WDR49: variants seen among roughly 807,000 people sequenced by gnomAD.
WDR49 encodes cilia- and flagella-associated protein 337.
Under a neutral mutation model 119.5 loss-of-function variants are expected in WDR49, and 107 were observed. The observed-to-expected ratio is 0.90, with a 90% CI of 0.77 to 1.05. The LOEUF is 1.05. Among genes scored for constraint, WDR49 ranks in the 50% least tolerant of loss-of-function variants. The pLI, the probability that WDR49 is intolerant of heterozygous loss-of-function variation, is 0.00. For missense variants in WDR49, 1,240 were observed against 1,220.5 expected (o/e 1.02, Z -0.24); for synonymous variants, 425 against 418.8 (o/e 1.01, Z -0.18).
At chr3:167,514,776 T>G (rs1433850439) in intron 16 of WDR49, among the ~76,000 whole-genome samples, 1 of 151,266 alleles carries the variant, frequency 6.6e-6, no homozygotes, top group Non-Finnish European at 1.5e-5. Context: ...AAGAATCAAA[T>G]AGACACAATA....
intron 8 of WDR49, among the ~76,000 whole-genome samples, chr3:167,564,229 T>G (rs1427586197): frequency 6.6e-6 from 1 of 152,232 alleles, no homozygotes; most frequent in Non-Finnish European, 1.5e-5. Flanking sequence ...TGATTTCATT[T>G]TATGGCAGTC....
chr3:167,557,154 C>T (rs184805459), intron 9 of WDR49, among the ~76,000 whole-genome samples: 2 of 152,082 alleles, frequency 1.3e-5, no homozygotes, highest in African/African-American at 4.8e-5. Flanking sequence ...ACAGGATCAT[C>T]CCACTGCACT....
At chr3:167,556,744 G>A (rs762176445) in intron 9 of WDR49, among the ~76,000 whole-genome samples, 3 of 151,990 alleles carry the variant, frequency 2.0e-5, no homozygotes, top group Non-Finnish European at 4.4e-5. Context: ...AAATTAGGCA[G>A]GGCCGGATTC....
chr3:167,525,050 T>C (rs1752585749), intron 15 of WDR49, among the ~76,000 whole-genome samples: 1 of 152,108 alleles, frequency 6.6e-6, no homozygotes, highest in Non-Finnish European at 1.5e-5. Flanking sequence ...ATGGAGTGTT[T>C]TTCCATTTGT....
chr3:167,582,663 TC>T (rs1241058899), intron 7 of WDR49, among the ~76,000 whole-genome samples: 1 of 152,124 alleles, frequency 6.6e-6, no homozygotes, highest in African/African-American at 2.4e-5. Flanking sequence ...ATTTCCCAGT[TC>T]TAATTTGCAA....
chr3:167,478,710 A>C lies in WDR49; in HGVS notation c.*168T>G, dbSNP rs1398741323. ...TTAGTTCAATATTTATTTTATTAAG[A>C]ATACAGAGAAATTGACAGATGATAG... On this transcript the variant is annotated 3_prime_UTR_variant, in exon 19 of 19. Transcript: ENST00000682715. 1 of 426,370 alleles carries C rather than the reference A, an allele frequency of 2.3e-6. No homozygotes were observed. Among genetic ancestry groups the C allele is most frequent in the Non-Finnish European group, 4.1e-6 (1 of 244,392 alleles). The allele number at this position is 426,370 out of a possible 1,614,324, so 26.4% of individuals were successfully genotyped here. A position where few individuals can be genotyped will look rare whatever the true frequency, so the allele number is the denominator to read the frequency against.
At chr3:167,522,808 A>G (rs1752501356) in intron 15 of WDR49, among the ~76,000 whole-genome samples, 1 of 152,210 alleles carries the variant, frequency 6.6e-6, no homozygotes, top group East Asian at 1.9e-4. Context: ...TACTAAAAAC[A>G]AAACAAAGCT....
chr3:167,653,540 G>C, intron 1 of WDR49, 41 bp from the exon 2 acceptor site: 5 of 1,304,946 alleles, frequency 3.8e-6, no homozygotes, highest in Non-Finnish European at 5.0e-6. Context: ...ATTCCAAAAT[G>C]AAAGTACAAA....
chr3:167,629,947 C>A (rs1371437962), intron 2 of WDR49, among the ~76,000 whole-genome samples: 1 of 152,104 alleles, frequency 6.6e-6, no homozygotes, highest in Admixed American at 6.6e-5. Context: ...GAGATGGAAT[C>A]TATTCCCGTT....
chr3:167,492,473 A>C (rs1560248050), intron 18 of WDR49, among the ~76,000 whole-genome samples: 1 of 152,154 alleles, frequency 6.6e-6, no homozygotes, highest in Non-Finnish European at 1.5e-5. Flanking sequence ...TATATAGAAA[A>C]TGTGGGGAAT....
chr3:167,568,997 C>T (rs956568744), intron 8 of WDR49, among the ~76,000 whole-genome samples: 15 of 151,102 alleles, frequency 9.9e-5, no homozygotes, highest in African/African-American at 2.9e-4. Context: ...GGTTGGAGTG[C>T]GGTGGTGCTA....
intron 8 of WDR49, among the ~76,000 whole-genome samples, chr3:167,574,432 A>G (rs1194088574): frequency 6.6e-6 from 1 of 152,226 alleles, no homozygotes; most frequent in East Asian, 1.9e-4. Context: ...TCTGTAACTC[A>G]GCAGCTAATA....
At chr3:167,489,787 C>A (rs1282950651) in intron 18 of WDR49, among the ~76,000 whole-genome samples, 1 of 152,094 alleles carries the variant, frequency 6.6e-6, no homozygotes, top group Non-Finnish European at 1.5e-5. Context: ...ATGTAATGTA[C>A]TATGCAATGA....
intron 18 of WDR49, among the ~76,000 whole-genome samples, chr3:167,489,320 C>A (rs1187189080): frequency 6.6e-6 from 1 of 152,072 alleles, no homozygotes; most frequent in African/African-American, 2.4e-5. Context: ...CCTTTGGAAT[C>A]CCTGCATTCC....
At chr3:167,535,483 GA>G (rs1752987992) in intron 11 of WDR49, among the ~76,000 whole-genome samples, 1 of 151,998 alleles carries the variant, frequency 6.6e-6, no homozygotes, top group Non-Finnish European at 1.5e-5. Flanking sequence ...ACAGACATAC[GA>G]AAAAATGTTC....
chr3:167,621,340 C>G (rs1292479450), intron 4 of WDR49, 127 bp downstream of exon 4: 3 of 964,412 alleles, frequency 3.1e-6, no homozygotes, highest in Non-Finnish European at 4.3e-6. Context: ...TCTTCCATGT[C>G]CAATGTGCAT....
At position 167,598,828 on chromosome 3, in the gene WDR49, C is replaced by T. The variant is rs1221301011; in HGVS notation, c.1275+3299G>A. Among the ~76,000 whole-genome samples, 3 of 152,328 alleles carry T rather than the reference C, an allele frequency of 2.0e-5. No homozygotes were observed. In the East Asian group the frequency reaches 5.8e-4, roughly 29 times the overall value. ...CCCCAAACCCAGTGATGCTGTAGTT[C>T]TTGCAGACTCATAAAGGTCCCAGTT... On this transcript the variant is annotated intron_variant, in intron 7 of 18. Coordinates refer to ENST00000682715, the MANE Select transcript of WDR49 (RefSeq NM_001366157.1).
Position 167,627,037 on chromosome 3 carries a change from C to G in WDR49, c.421G>C (p.Asp141His). The G allele has an allele frequency of 7.6e-7, 1 of 1,323,618 alleles. No homozygotes were observed. Among genetic ancestry groups the G allele is most frequent in the Non-Finnish European group, 9.6e-7 (1 of 1,038,338 alleles). The allele number at this position is 1,323,618 out of a possible 1,614,324, so 82.0% of individuals were successfully genotyped here. The change falls in exon 3 of 19, where the codon GAC (aspartate) becomes CAC (histidine). Residue 141 changes from aspartate to histidine, a missense_variant. Transcript: ENST00000682715. ...DLEFLPVKHK[D>H]TIQKVIFLKN... ...AAGAAAATTACTTTTTGAATGGTGT[C>G]CTTGTGTTTTACTGGGAGGAATTCA...
intron 13 of WDR49, among the ~76,000 whole-genome samples, chr3:167,529,804 T>A (rs550762139): frequency 1.2e-3 from 179 of 152,252 alleles, no homozygotes; most frequent in African/African-American, 3.9e-3. Flanking sequence ...TTTTGGTGAA[T>A]GAGCCTAGAA....
Sources: gnomAD v4.1 joint callset for allele counts (sites outside exome capture counted in the v4.1 genomes callset) on GRCh38, gnomAD v4.1.1 for gene constraint, MANE v1.5 for transcripts, NCBI Gene and HGNC (gene_info 2026-07-23, HGNC 2026-07-21) for gene names.